PLPPR1: variants seen among roughly 807,000 people sequenced by gnomAD.
The protein encoded by PLPPR1 is phospholipid phosphatase related 1.
Under a neutral mutation model 33.1 loss-of-function variants are expected in PLPPR1, and 10 were observed. The observed-to-expected ratio is 0.30, with a 90% CI of 0.19 to 0.51. PLPPR1 has a LOEUF of 0.51. PLPPR1 is among the 20% of genes least tolerant of loss of function. The pLI is 0.97. For missense variants in PLPPR1, 304 were observed against 408.1 expected, an observed-to-expected ratio of 0.74 and a Z score of 2.20; for synonymous variants, 151 against 151.0, an observed-to-expected ratio of 1.00 and a Z score of 0.00.
At chr9:101,038,083 G>T (rs977365258) in intron 1 of PLPPR1, among the ~76,000 whole-genome samples, 5 of 151,692 alleles carry the variant, frequency 3.3e-5, no homozygotes, top group African/African-American at 1.2e-4. Flanking sequence ...TCAGTTGTTT[G>T]GTGTATATTT....
chr9:101,208,669 G>A (rs1387105098), intron 2 of PLPPR1, among the ~76,000 whole-genome samples: 1 of 152,170 alleles, frequency 6.6e-6, no homozygotes, highest in Non-Finnish European at 1.5e-5. Flanking sequence ...CATTTGTAAA[G>A]GTAATTCCAC....
chr9:101,253,235 T>TA (rs1827742672), intron 2 of PLPPR1, among the ~76,000 whole-genome samples: 1 of 151,916 alleles, frequency 6.6e-6, no homozygotes, highest in African/African-American at 2.4e-5. Context: ...CTTTTTTTTT[T>TA]AATTTGATAA....
At chr9:101,279,025 C>A (rs1828248258) in intron 3 of PLPPR1, among the ~76,000 whole-genome samples, 1 of 152,124 alleles carries the variant, frequency 6.6e-6, no homozygotes, top group East Asian at 1.9e-4. Flanking sequence ...TACGCAGCCC[C>A]AAGAACAATC....
chr9:101,030,992 A>G (rs1358875458), intron 1 of PLPPR1, among the ~76,000 whole-genome samples: 2 of 152,154 alleles, frequency 1.3e-5, no homozygotes, highest in Non-Finnish European at 2.9e-5. Context: ...GATGCTTATT[A>G]TTAAAATAGT....
Position 101,324,199 on chromosome 9 carries a change from T to G in PLPPR1, c.*142T>G, listed in dbSNP as rs1829208480. 1 of 625,398 alleles carries G rather than the reference T, an allele frequency of 1.6e-6. No homozygotes were observed. The allele number at this position is 625,398 out of a possible 1,614,324, so 38.7% of individuals were successfully genotyped here. On this transcript the variant is annotated 3_prime_UTR_variant, in exon 8 of 8. Transcript: ENST00000374874. ...GCTAATGTTTTGTACATTTTTTGTATGAGGAAGTGATGTAGCTTGCCCTGA... is the reference window on the plus strand; with the variant it reads ...GCTAATGTTTTGTACATTTTTTGTAGGAGGAAGTGATGTAGCTTGCCCTGA...
At chr9:101,190,627 GCTGATGA>G (rs1394488302) in intron 2 of PLPPR1, among the ~76,000 whole-genome samples, 1 of 152,124 alleles carries the variant, frequency 6.6e-6, no homozygotes, top group Non-Finnish European at 1.5e-5. Flanking sequence ...ATTCAAAGTT[GCTGATGA>G]CTGAGGAGCC....
At chr9:101,306,895 C>T (rs1229623090) in intron 4 of PLPPR1, among the ~76,000 whole-genome samples, 1 of 152,194 alleles carries the variant, frequency 6.6e-6, no homozygotes, top group African/African-American at 2.4e-5. Context: ...TAAAAATACA[C>T]ACAAGGAGCG....
At chr9:101,249,690 G>T (rs1827681849) in intron 2 of PLPPR1, among the ~76,000 whole-genome samples, 1 of 152,040 alleles carries the variant, frequency 6.6e-6, no homozygotes. Flanking sequence ...GTGTGTCATT[G>T]TCTGATCGTT....
At chr9:101,298,481 C>G (rs1828689242) in intron 4 of PLPPR1, among the ~76,000 whole-genome samples, 1 of 152,134 alleles carries the variant, frequency 6.6e-6, no homozygotes, top group Admixed American at 6.5e-5. Context: ...AATTGATACC[C>G]TGGGACGAGC....
chr9:101,053,796 G>A (rs1210403304), intron 1 of PLPPR1, among the ~76,000 whole-genome samples: 5 of 152,200 alleles, frequency 3.3e-5, no homozygotes, highest in African/African-American at 1.2e-4. Flanking sequence ...CCTTGCGTAT[G>A]AGGCTGAGAA....
intron 1 of PLPPR1, among the ~76,000 whole-genome samples, chr9:101,042,637 A>T (rs1484621640): frequency 6.6e-6 from 1 of 152,218 alleles, no homozygotes; most frequent in African/African-American, 2.4e-5. Context: ...TTCAAAAAAA[A>T]TTCTGGATTA....
At chr9:101,058,709 T>A (rs1830307993) in intron 1 of PLPPR1, among the ~76,000 whole-genome samples, 2 of 152,164 alleles carry the variant, frequency 1.3e-5, no homozygotes, top group Admixed American at 6.6e-5. Flanking sequence ...ACTGCTTAAT[T>A]ACGGGGCAGC....
At chr9:101,261,329 A>C (rs1827896313) in intron 2 of PLPPR1, among the ~76,000 whole-genome samples, 1 of 152,194 alleles carries the variant, frequency 6.6e-6, no homozygotes, top group Admixed American at 6.5e-5. Context: ...TGGCTATTTT[A>C]ACATTTTTGT....
At chr9:101,052,382 G>T (rs1830232366) in intron 1 of PLPPR1, among the ~76,000 whole-genome samples, 1 of 152,140 alleles carries the variant, frequency 6.6e-6, no homozygotes, top group African/African-American at 2.4e-5. Context: ...GGTGTCTAGT[G>T]TATAGAAGCT....
At chr9:101,284,544 T>C (rs888832013) in intron 3 of PLPPR1, among the ~76,000 whole-genome samples, 3 of 152,204 alleles carry the variant, frequency 2.0e-5, no homozygotes, top group Non-Finnish European at 4.4e-5. Context: ...TGTAAGATCA[T>C]GCATATGTTA....
intron 1 of PLPPR1, among the ~76,000 whole-genome samples, chr9:101,166,861 T>C (rs1825865505): frequency 6.6e-6 from 1 of 151,886 alleles, no homozygotes. Flanking sequence ...AGGCAAACCA[T>C]GGCCAACCCC....
rs113007964 is a variant in PLPPR1 at position 101,179,823 on chromosome 9, G to T, written c.-45-5627G>T. Among the ~76,000 whole-genome samples, 567 of 152,026 alleles carry T rather than the reference G, an allele frequency of 3.7e-3. 1 individual carries two copies. Among genetic ancestry groups the T allele is most frequent in the African/African-American group, 0.013 (535 of 41,478 alleles). ...AGGATATTAACATTTGAGTCAGTGGGCTGGGGAAGGCAAACCCACCTTAAT... is the reference window on the plus strand; with the variant it reads ...AGGATATTAACATTTGAGTCAGTGGTCTGGGGAAGGCAAACCCACCTTAAT... On this transcript the variant is annotated intron_variant, in intron 1 of 7. Coordinates refer to ENST00000374874, the MANE Select transcript of PLPPR1 (RefSeq NM_207299.2).
At chr9:101,119,406 C>T (rs541943183) in intron 1 of PLPPR1, among the ~76,000 whole-genome samples, 1 of 152,272 alleles carries the variant, frequency 6.6e-6, no homozygotes, top group Non-Finnish European at 1.5e-5. Flanking sequence ...TCAGATATGG[C>T]CAGTGGAGGG....
chr9:101,167,141 GGTGTGTGTGTGTGTGT>G (rs756843224), intron 1 of PLPPR1, among the ~76,000 whole-genome samples: 2 of 39,648 alleles, frequency 5.0e-5, no homozygotes, highest in South Asian at 1.6e-3. Context: ...TATGTCTCTC[GGTGTGTGTGTGTGTGT>G]GTGTGTGTGT....
Sources: gnomAD v4.1 joint callset for allele counts (sites outside exome capture counted in the v4.1 genomes callset) on GRCh38, gnomAD v4.1.1 for gene constraint, MANE v1.5 for transcripts, NCBI Gene and HGNC (gene_info 2026-07-23, HGNC 2026-07-21) for gene names.